The following JAK1 variants were observed in gnomAD, a reference collection of about 807,000 sequenced individuals.
JAK1 encodes the protein tyrosine-protein kinase JAK1.
JAK1 carries 16 observed loss-of-function variants against 136.6 expected under a neutral mutation model. The ratio of observed to expected loss-of-function variants is 0.12; its 90% CI spans 0.08 to 0.18. The LOEUF (loss-of-function observed/expected upper bound fraction) is 0.18, where lower values mean the gene tolerates loss of function less well. JAK1 is among the 10% of genes least tolerant of loss of function. The probability of loss-of-function intolerance (pLI) is 1.00; values close to 1 mark genes in which losing one functional copy is unlikely to be tolerated. For missense variants in JAK1, 859 were observed against 1,450.1 expected (o/e 0.59, Z 6.62); for synonymous variants, 492 against 519.5 (o/e 0.95, Z 0.72).
intron 2 of JAK1, among the ~76,000 whole-genome samples, chr1:65,000,067 T>C (rs926688123): frequency 6.6e-6 from 1 of 151,436 alleles, no homozygotes; most frequent in African/African-American, 2.4e-5. Flanking sequence ...CTTGGGTCAC[T>C]GCAACCTCTG....
chr1:65,060,398 CA>C (rs1647737249), intron 1 of JAK1, among the ~76,000 whole-genome samples: 1 of 152,126 alleles, frequency 6.6e-6, no homozygotes, highest in Non-Finnish European at 1.5e-5. Flanking sequence ...ATAATCCTGA[CA>C]TATTTGTAGT....
intron 10 of JAK1, among the ~76,000 whole-genome samples, chr1:64,857,271 G>A (rs1027554152): frequency 6.6e-6 from 1 of 152,242 alleles, no homozygotes; most frequent in Non-Finnish European, 1.5e-5. Context: ...GAATGCTGTA[G>A]ACAGGCATAG....
At chr1:64,937,595 TAA>T (rs1380376076) in intron 1 of JAK1, among the ~76,000 whole-genome samples, 1 of 152,138 alleles carries the variant, frequency 6.6e-6, no homozygotes, top group East Asian at 1.9e-4. Context: ...TATTTCAAAA[TAA>T]AGTTTCTAAA....
chr1:64,878,772 C>G (rs896618575), intron 4 of JAK1, among the ~76,000 whole-genome samples: 1 of 152,002 alleles, frequency 6.6e-6, no homozygotes, highest in Non-Finnish European at 1.5e-5. Flanking sequence ...CTGTAGGACA[C>G]TAATTCTATT....
rs1012351057 is a variant in JAK1, at chr1:64,854,372, T to C, written c.1648+1137A>G. 2.0e-5 allele frequency among the ~76,000 whole-genome samples: 3 copies of C among 152,202 alleles called. No individual in the cohort carries two copies. In the East Asian group the frequency reaches 5.8e-4, roughly 29 times the overall value. ...ATCGTGCTGCTCCTTCTTTGAGGCC[T>C]TCCTCCTTCTAAGGGAAGAACCTGA... is the stretch of plus-strand genomic sequence containing the variant. On this transcript the variant is annotated intron_variant, in intron 11 of 24. Transcript: ENST00000342505.
At chr1:64,980,753 G>T (rs1646537818) in intron 2 of JAK1, among the ~76,000 whole-genome samples, 1 of 151,346 alleles carries the variant, frequency 6.6e-6, no homozygotes, top group Admixed American at 6.6e-5. Context: ...GCCCTGGTGT[G>T]TGATGTTCCC....
chr1:64,982,232 A>G (rs1354134885), intron 2 of JAK1, among the ~76,000 whole-genome samples: 1 of 152,132 alleles, frequency 6.6e-6, no homozygotes, highest in Non-Finnish European at 1.5e-5. Flanking sequence ...CCTTCCTTTT[A>G]CAGAGTGTAA....
chr1:65,057,794 T>A (rs1014605484), intron 1 of JAK1: 2 of 154,876 alleles, frequency 1.3e-5, no homozygotes, highest in Non-Finnish European at 2.9e-5. Flanking sequence ...AGAAATAAAA[T>A]AATTTACATT....
At chr1:64,989,368 T>TAAATAAAA (rs1301767238) in intron 2 of JAK1, 4 of 148,448 alleles carry the variant, frequency 2.7e-5, no homozygotes, top group Non-Finnish European at 5.9e-5. Context: ...AATAAATAAA[T>TAAATAAAA]AAAATAAACT....
chr1:64,912,304 T>C (rs1285528253), intron 1 of JAK1, among the ~76,000 whole-genome samples: 1 of 152,144 alleles, frequency 6.6e-6, no homozygotes, highest in African/African-American at 2.4e-5. Flanking sequence ...CCTGACTCAC[T>C]AGCAACCACA....
chr1:64,986,803 T>C (rs1569826088), intron 2 of JAK1, among the ~76,000 whole-genome samples: 1 of 151,480 alleles, frequency 6.6e-6, no homozygotes, highest in South Asian at 2.1e-4. Flanking sequence ...GCCCAGGAGG[T>C]CAAGGCTGCA....
chr1:64,951,353 T>C (rs1336912169), intron 1 of JAK1, among the ~76,000 whole-genome samples: 1 of 152,194 alleles, frequency 6.6e-6, no homozygotes, highest in East Asian at 1.9e-4. Flanking sequence ...CTTACTCCAC[T>C]GATTTTTTTA....
chr1:64,926,869 C>G (rs1054212685), intron 1 of JAK1, among the ~76,000 whole-genome samples: 5 of 152,174 alleles, frequency 3.3e-5, no homozygotes, highest in African/African-American at 1.2e-4. Flanking sequence ...ATGATCGTAA[C>G]ACATGCTCCG....
At chr1:64,958,040 A>G (rs1175525431) in intron 1 of JAK1, among the ~76,000 whole-genome samples, 1 of 152,258 alleles carries the variant, frequency 6.6e-6, no homozygotes, top group Non-Finnish European at 1.5e-5. Flanking sequence ...AAACAGTAAT[A>G]TAATTGCTGA....
chr1:64,989,865 C>T (rs1646638782), intron 2 of JAK1: 2 of 152,256 alleles, frequency 1.3e-5, no homozygotes, highest in African/African-American at 4.8e-5. Flanking sequence ...GGTTTCATCA[C>T]AGCTGATTCC....
intron 1 of JAK1, among the ~76,000 whole-genome samples, chr1:64,961,571 T>C (rs1326982730): frequency 6.6e-6 from 1 of 152,154 alleles, no homozygotes; most frequent in Admixed American, 6.5e-5. Context: ...TGTCCTGCCC[T>C]ACCTCCTTCC....
chr1:65,011,248 G>C (rs1646846330), intron 2 of JAK1, among the ~76,000 whole-genome samples: 1 of 152,074 alleles, frequency 6.6e-6, no homozygotes, highest in South Asian at 2.1e-4. Context: ...GGCCGAGGCG[G>C]GAGGACTGCT....
intron 1 of JAK1, among the ~76,000 whole-genome samples, chr1:64,897,897 T>C (rs1645048164): frequency 6.6e-6 from 1 of 152,096 alleles, no homozygotes; most frequent in South Asian, 2.1e-4. Flanking sequence ...GTCCTTCTTT[T>C]TAAAGATTCT....
intron 2 of JAK1, among the ~76,000 whole-genome samples, chr1:64,981,151 G>T (rs998642323): frequency 6.6e-6 from 1 of 152,106 alleles, no homozygotes; most frequent in African/African-American, 2.4e-5. Context: ...TAAGTGCCCT[G>T]GTAACTCTAA....
Sources: allele counts gnomAD v4.1 joint callset (sites outside exome capture counted in the v4.1 genomes callset), GRCh38; gene constraint gnomAD v4.1.1; transcripts MANE v1.5; gene names NCBI Gene and HGNC (gene_info 2026-07-23, HGNC 2026-07-21).